Variants in NBEA observed in about 807,000 individuals in gnomAD.
NBEA encodes the protein neurobeachin.
A neutral mutation model predicts 343.4 loss-of-function variants in NBEA; 44 were observed. The ratio of observed to expected loss-of-function variants is 0.13; its 90% CI spans 0.10 to 0.16. The LOEUF (loss-of-function observed/expected upper bound fraction) is 0.16, where lower values mean the gene tolerates loss of function less well. Among genes scored for constraint, NBEA ranks in the 10% least tolerant of loss-of-function variants. NBEA has a pLI of 1.00. For synonymous variants in NBEA, 1,175 were observed against 1,238.7 expected, an observed-to-expected ratio of 0.95 and a Z score of 1.08; for missense variants, 2,555 against 3,631.3, an observed-to-expected ratio of 0.70 and a Z score of 7.62.
chr13:35,095,463 G>T (rs972984360), intron 10 of NBEA, among the ~76,000 whole-genome samples: 5 of 151,538 alleles, frequency 3.3e-5, no homozygotes, highest in African/African-American at 9.7e-5. Flanking sequence ...ATTTATAAGA[G>T]ATATTATTAT....
chr13:34,958,864 C>G (rs1566090924), intron 1 of NBEA, among the ~76,000 whole-genome samples: 1 of 152,104 alleles, frequency 6.6e-6, no homozygotes, highest in Non-Finnish European at 1.5e-5. Flanking sequence ...TGGTCTGATA[C>G]AGTTCAGTAT....
At chr13:35,430,168 G>A (rs1467902912) in intron 38 of NBEA, among the ~76,000 whole-genome samples, 2 of 151,938 alleles carry the variant, frequency 1.3e-5, no homozygotes, top group East Asian at 1.9e-4. Flanking sequence ...GAGGAGCGTG[G>A]TGGTATTGCA....
chr13:35,345,030 G>T (rs1252691856), intron 36 of NBEA, among the ~76,000 whole-genome samples: 3 of 152,066 alleles, frequency 2.0e-5, no homozygotes, highest in Non-Finnish European at 2.9e-5. Flanking sequence ...GATAACATGT[G>T]TATGTGGGGC....
At chr13:34,948,329 G>T (rs1336848862) in intron 1 of NBEA, among the ~76,000 whole-genome samples, 1 of 151,054 alleles carries the variant, frequency 6.6e-6, no homozygotes, top group Non-Finnish European at 1.5e-5. Context: ...CCCAAGGGTA[G>T]CGAGCCAGAG....
intron 1 of NBEA, among the ~76,000 whole-genome samples, chr13:34,987,317 T>C (rs2060585597): frequency 6.6e-6 from 1 of 151,104 alleles, no homozygotes; most frequent in East Asian, 1.9e-4. Flanking sequence ...TATTGAATAT[T>C]GGTCTCCAGT....
chr13:35,248,182 T>G (rs2031479331), intron 34 of NBEA, among the ~76,000 whole-genome samples: 1 of 152,166 alleles, frequency 6.6e-6, no homozygotes, highest in Non-Finnish European at 1.5e-5. Flanking sequence ...CAATATCCAT[T>G]GTGAATATTA....
intron 38 of NBEA, among the ~76,000 whole-genome samples, chr13:35,407,302 C>G (rs1002544606): frequency 6.6e-6 from 1 of 151,846 alleles, no homozygotes; most frequent in Admixed American, 6.6e-5. Flanking sequence ...TTGAAATTAT[C>G]CCTTAAAGAC....
At chr13:35,548,341 A>G (rs1026188060) in intron 41 of NBEA, among the ~76,000 whole-genome samples, 3 of 152,174 alleles carry the variant, frequency 2.0e-5, no homozygotes, top group Non-Finnish European at 4.4e-5. Flanking sequence ...ACTAACGTAA[A>G]AACTGATAAC....
intron 56 of NBEA, among the ~76,000 whole-genome samples, chr13:35,666,750 G>C (rs1429013716): frequency 6.6e-6 from 1 of 151,984 alleles, no homozygotes; most frequent in East Asian, 1.9e-4. Flanking sequence ...TATTTTATAA[G>C]GGCAAAAAAA....
chr13:35,467,333 A>G (rs775425781), intron 40 of NBEA, among the ~76,000 whole-genome samples: 3 of 152,028 alleles, frequency 2.0e-5, no homozygotes, highest in Non-Finnish European at 2.9e-5. Context: ...TTAGCTGGGC[A>G]TGGTGGTATG....
At chr13:35,468,116 C>CA (rs1349108737) in intron 40 of NBEA, among the ~76,000 whole-genome samples, 3 of 148,008 alleles carry the variant, frequency 2.0e-5, no homozygotes, top group Non-Finnish European at 4.5e-5. Flanking sequence ...ACACCCCCCC[C>CA]CCACTCCCCT....
At chr13:34,998,607 T>A (rs1043209273) in intron 1 of NBEA, among the ~76,000 whole-genome samples, 13 of 152,190 alleles carry the variant, frequency 8.5e-5, no homozygotes, top group African/African-American at 3.1e-4. Context: ...TCAGTGATAT[T>A]TCTCCCATTT....
At chr13:35,589,809 A>G (rs2153041960) in intron 46 of NBEA, among the ~76,000 whole-genome samples, 1 of 152,232 alleles carries the variant, frequency 6.6e-6, no homozygotes, top group East Asian at 1.9e-4. Flanking sequence ...TTTCCAGTGC[A>G]GGCAAGGTGA....
At chr13:35,623,450 T>C (rs923026153) in intron 48 of NBEA, among the ~76,000 whole-genome samples, 4 of 152,176 alleles carry the variant, frequency 2.6e-5, no homozygotes, top group Non-Finnish European at 1.5e-5. Flanking sequence ...TCTTCTTTTC[T>C]TTCTGCACAG....
At chr13:35,435,388 A>G (rs184655801) in intron 39 of NBEA, among the ~76,000 whole-genome samples, 22 of 152,286 alleles carry the variant, frequency 1.4e-4, no homozygotes, top group African/African-American at 4.8e-4. Flanking sequence ...CAGTATTGTT[A>G]TCAATGCTAA....
intron 41 of NBEA, among the ~76,000 whole-genome samples, chr13:35,540,007 A>G (rs2078746969): frequency 6.6e-6 from 1 of 151,042 alleles, no homozygotes; most frequent in African/African-American, 2.4e-5. Context: ...TTAACTAGAG[A>G]AAAAAATATT....
chr13:35,200,056 A>G (rs563618914), intron 31 of NBEA, among the ~76,000 whole-genome samples: 3 of 151,986 alleles, frequency 2.0e-5, no homozygotes, highest in African/African-American at 7.2e-5. Context: ...AACTATAACA[A>G]TTTTTTCAAA....
At chr13:35,158,207 G>A (rs982854623) in intron 21 of NBEA, among the ~76,000 whole-genome samples, 2 of 152,034 alleles carry the variant, frequency 1.3e-5, no homozygotes, top group African/African-American at 2.4e-5. Context: ...GGGGATTTTT[G>A]TATTATGAGA....
intron 34 of NBEA, among the ~76,000 whole-genome samples, chr13:35,276,982 T>C (rs1220171896): frequency 1.3e-5 from 2 of 152,214 alleles, no homozygotes; most frequent in African/African-American, 4.8e-5. Flanking sequence ...TTTTTCCTTC[T>C]GTTTTAACAG....
Sources: allele counts gnomAD v4.1 joint callset (sites outside exome capture counted in the v4.1 genomes callset), GRCh38; gene constraint gnomAD v4.1.1; transcripts MANE v1.5; gene names NCBI Gene and HGNC (gene_info 2026-07-23, HGNC 2026-07-21).